ST8SIA3: variants seen among roughly 807,000 people sequenced by gnomAD.
The protein encoded by ST8SIA3 is ST8 alpha-N-acetyl-neuraminide alpha-2,8-sialyltransferase 3.
ST8SIA3 carries 17 observed loss-of-function variants against 34.5 expected under a neutral mutation model. That is an observed-to-expected ratio of 0.49 (90% CI 0.34 to 0.74). The LOEUF is 0.74. Ranked by LOEUF, ST8SIA3 falls within the 30% of genes least tolerant of loss-of-function variation. ST8SIA3 has a pLI of 0.01. For missense variants in ST8SIA3, 354 were observed against 467.8 expected (o/e 0.76, Z 2.24); for synonymous variants, 172 against 176.1 (o/e 0.98, Z 0.19).
chr18:57,353,086 G>C, intron 1 of ST8SIA3, 61 bp downstream of exon 1: 1 of 1,560,338 alleles, frequency 6.4e-7, no homozygotes, highest in Non-Finnish European at 8.7e-7. Context: ...GTTTGGGGAA[G>C]GGAAGGCGTG....
rs1364565561 is a variant in ST8SIA3 at position 57,357,227 on chromosome 18, A to G, written c.617A>G (p.Asn206Ser). The change falls in exon 3 of 4, where the codon AAT becomes AGT. Residue 206 changes from asparagine to serine, a missense_variant. This residue lies in a region of ST8SIA3 where 166 missense variants were observed against 245.2 expected (regional missense o/e 0.68). Transcript: ENST00000324000. ...AFQRDVGRKT[N>S]LTTFNPSILE... The stretch of plus-strand genomic sequence containing the variant: ...CAAAGAGATGTTGGAAGAAAAACCA[A>G]TCTTACCACCTTCAACCCCAGCATC... 5.6e-6 allele frequency: 9 copies of G among 1,614,030 alleles called. No homozygotes were observed. The highest frequency in any genetic ancestry group is 1.1e-5 in the South Asian group (1 of 91,070).
rs1024977069 is a variant in ST8SIA3 at position 57,365,352 on chromosome 18, T to A, written c.*5075T>A. 2 of 152,236 alleles carry A rather than the reference T, an allele frequency of 1.3e-5. No homozygotes were observed. The highest frequency in any genetic ancestry group is 2.4e-5 in the African/African-American group (1 of 41,456). The allele number at this position is 152,236 out of a possible 1,614,324, so 9.4% of individuals were successfully genotyped here. A position where few individuals can be genotyped will look rare whatever the true frequency, so the allele number is the denominator to read the frequency against. ...AGTCTTAGTGATTCAACAATTCAGC[T>A]GTTTCAGCCGAATTGACCAGTTGCT... is the stretch of plus-strand genomic sequence containing the variant. On this transcript the variant is annotated 3_prime_UTR_variant, in exon 4 of 4. Transcript: ENST00000324000.
rs758560626 is a variant in ST8SIA3 at position 57,362,472 on chromosome 18, A to G, written c.*2195A>G. 2 of 152,216 alleles carry G rather than the reference A, an allele frequency of 1.3e-5. No homozygotes were observed. Among genetic ancestry groups the G allele is most frequent in the Non-Finnish European group, 2.9e-5 (2 of 68,036 alleles). 9.4% of individuals were successfully genotyped at this position (152,216 alleles called of 1,614,324 possible). On this transcript the variant is annotated 3_prime_UTR_variant, in exon 4 of 4. Coordinates refer to ENST00000324000, the MANE Select transcript of ST8SIA3 (RefSeq NM_015879.3). ...AGAGGAAAAGACCAGAATCTCTAAA[A>G]AACAGTTTACTGTTCTGTAGTGGAC...
In ST8SIA3 at chr18:57,352,797, C is replaced by T; in HGVS notation, c.-50C>T. On this transcript the variant is annotated 5_prime_UTR_variant, in exon 1 of 4. Transcript: ENST00000324000. ...ATATACACGCCAGCGAGCTGCTGGC[C>T]GCTCAATGGACCGATTTCCCCGGTT... 3 of 1,505,964 alleles carry T rather than the reference C, an allele frequency of 2.0e-6. No homozygotes were observed. Among genetic ancestry groups the T allele is most frequent in the Non-Finnish European group, 2.8e-6 (3 of 1,087,260 alleles). 93.3% of individuals were successfully genotyped at this position (1,505,964 alleles called of 1,614,324 possible). A position where few individuals can be genotyped will look rare whatever the true frequency, so the allele number is the denominator to read the frequency against.
intron 2 of ST8SIA3, among the ~76,000 whole-genome samples, chr18:57,356,097 A>C (rs954740707): frequency 6.6e-6 from 1 of 152,202 alleles, no homozygotes; most frequent in Non-Finnish European, 1.5e-5. Context: ...TGAATGTTTT[A>C]AATAGCTAAA....
chr18:57,357,752 G>A (rs888790001), intron 3 of ST8SIA3, among the ~76,000 whole-genome samples: 3 of 152,170 alleles, frequency 2.0e-5, no homozygotes, highest in Admixed American at 6.5e-5. Context: ...AGGCTATGGA[G>A]CAGTCATGGA....
chr18:57,353,065 G>A, intron 1 of ST8SIA3, 40 bp downstream of exon 1: 1 of 1,590,978 alleles, frequency 6.3e-7, no homozygotes, highest in African/African-American at 1.3e-5. Context: ...CGGGAATTTG[G>A]TTGATGGGGT....
rs1448327647 is a variant in ST8SIA3 at position 57,362,210 on chromosome 18, G to A, written c.*1933G>A. 1 of 152,170 alleles carries A rather than the reference G, an allele frequency of 6.6e-6. No individual in the cohort carries two copies. Among genetic ancestry groups the A allele is most frequent in the Non-Finnish European group, 1.5e-5 (1 of 68,018 alleles). 9.4% of individuals were successfully genotyped at this position (152,170 alleles called of 1,614,324 possible). On this transcript the variant is annotated 3_prime_UTR_variant, in exon 4 of 4. Transcript: ENST00000324000. ...CACCGTGTTTGTTCCCTGTCCCTTT[G>A]AAGAGGACTGTACTACCATCCTCAC... is the stretch of plus-strand genomic sequence containing the variant.
intron 3 of ST8SIA3, among the ~76,000 whole-genome samples, 191 bp from the exon 4 acceptor site, chr18:57,359,804 C>T (rs996062651): frequency 2.6e-5 from 4 of 152,174 alleles, no homozygotes; most frequent in African/African-American, 7.2e-5. Context: ...ATTTTTATTT[C>T]TTACTGGATC....
chr18:57,353,660 C>T (rs1220258858), intron 1 of ST8SIA3, among the ~76,000 whole-genome samples: 1 of 152,214 alleles, frequency 6.6e-6, no homozygotes, highest in East Asian at 1.9e-4. Context: ...GGCCGCCCAC[C>T]CTCGCCAGGT....
chr18:57,358,640 C>A (rs2144204472), intron 3 of ST8SIA3, among the ~76,000 whole-genome samples: 1 of 152,244 alleles, frequency 6.6e-6, no homozygotes, highest in African/African-American at 2.4e-5. Context: ...AGATAACTGA[C>A]AAACTGGGAC....
chr18:57,355,640 A>T lies in ST8SIA3; in HGVS notation c.302+1116A>T, dbSNP rs530120163. On this transcript the variant is annotated intron_variant, in intron 2 of 3. Coordinates refer to ENST00000324000, the MANE Select transcript of ST8SIA3 (RefSeq NM_015879.3). ...TGGGTTTTAATTCAATATTAATTTTATGGACAACCCAGAACGTTTTCATGG... is the reference window on the plus strand; with the variant it reads ...TGGGTTTTAATTCAATATTAATTTTTTGGACAACCCAGAACGTTTTCATGG... 3.6e-4 allele frequency among the ~76,000 whole-genome samples: 55 copies of T among 152,280 alleles called. 1 individual carries two copies. The highest frequency in any genetic ancestry group is 1.3e-3 in the African/African-American group (55 of 41,572).
rs1356548295 is a variant in ST8SIA3, at chr18:57,361,636, A to G, written c.*1359A>G. On this transcript the variant is annotated 3_prime_UTR_variant, in exon 4 of 4. Transcript: ENST00000324000. ...TGGCCATTCTCATTTTCTTTATTTC[A>G]GCCATATGAGTAGAAATCAAATCAT... is the stretch of plus-strand genomic sequence containing the variant. 1 of 152,670 alleles carries G rather than the reference A, an allele frequency of 6.6e-6. No individual in the cohort carries two copies. Among genetic ancestry groups the G allele is most frequent in the Non-Finnish European group, 1.5e-5 (1 of 68,038 alleles). 9.5% of individuals were successfully genotyped at this position (152,670 alleles called of 1,614,324 possible). A position where few individuals can be genotyped will look rare whatever the true frequency, so the allele number is the denominator to read the frequency against.
rs2049854614 is a variant in ST8SIA3, at chr18:57,365,331, T to G, written c.*5054T>G. On this transcript the variant is annotated 3_prime_UTR_variant, in exon 4 of 4. Transcript: ENST00000324000. ...GTTAAATGGCAATATAGACACAGTC[T>G]TAGTGATTCAACAATTCAGCTGTTT... The G allele has an allele frequency of 6.6e-6, 1 of 152,244 alleles. No individual in the cohort carries two copies. The highest frequency in any genetic ancestry group is 1.5e-5 in the Non-Finnish European group (1 of 68,042). 9.4% of individuals were successfully genotyped at this position (152,244 alleles called of 1,614,324 possible).
rs2049824006 is a variant in ST8SIA3 at position 57,360,404 on chromosome 18, T to C, written c.*127T>C. 1.0e-6 allele frequency: 1 copy of C among 982,504 alleles called. No individual in the cohort carries two copies. The highest frequency in any genetic ancestry group is 1.8e-5 in the South Asian group (1 of 57,060). The allele number at this position is 982,504 out of a possible 1,614,324, so 60.9% of individuals were successfully genotyped here. ...TCTGCCATTTAAAAGGAAAGATGTCTTTTCTCTTTTGCACTGCTCTTTTAA... is the reference window on the plus strand; with the variant it reads ...TCTGCCATTTAAAAGGAAAGATGTCCTTTCTCTTTTGCACTGCTCTTTTAA... On this transcript the variant is annotated 3_prime_UTR_variant, in exon 4 of 4. Transcript: ENST00000324000.
At chr18:57,354,590 C>A in intron 2 of ST8SIA3, 66 bp downstream of exon 2, 1 of 1,579,190 alleles carries the variant, frequency 6.3e-7, no homozygotes, top group Non-Finnish European at 8.6e-7. Context: ...CAAAACAAAA[C>A]AAAAACAAGC....
chr18:57,367,295 TTTTC>T lies in ST8SIA3; in HGVS notation c.*7025_*7028del, dbSNP rs1598906326. On this transcript the variant is annotated 3_prime_UTR_variant, in exon 4 of 4. Coordinates refer to ENST00000324000, the MANE Select transcript of ST8SIA3 (RefSeq NM_015879.3). ...TGTAAAATGCCAGGTTATACCTCTA[TTTTC>T]TTTCTTCCTAATGGTCATTGAAATG... 6.6e-6 allele frequency: 1 copy of T among 152,280 alleles called. No homozygotes were observed. Among genetic ancestry groups the T allele is most frequent in the East Asian group, 1.9e-4 (1 of 5,200 alleles). The allele number at this position is 152,280 out of a possible 1,614,324, so 9.4% of individuals were successfully genotyped here. A position where few individuals can be genotyped will look rare whatever the true frequency, so the allele number is the denominator to read the frequency against.
chr18:57,353,025 G>A lies in ST8SIA3; in HGVS notation c.179G>A (p.Arg60Gln), dbSNP rs1461912804. 5 of 1,605,874 alleles carry A rather than the reference G, an allele frequency of 3.1e-6. No individual in the cohort carries two copies. The highest frequency in any genetic ancestry group is 3.4e-6 in the Non-Finnish European group (4 of 1,179,836). Residue 60 changes from arginine (R) to glutamine (Q), a missense_variant and splice_region_variant, in exon 1 of 4, where the codon CGG becomes CAG. Around this residue, in one of 3 missense-constraint regions of ST8SIA3, gnomAD observed 184 missense variants for 205.4 expected, o/e 0.90. Coordinates refer to ENST00000324000, the MANE Select transcript of ST8SIA3 (RefSeq NM_015879.3). ...PRMYMFHAGF[R>Q]SQFALKFLDP... is the part of the protein sequence containing the mutation. Reference sequence around the variant, plus strand: ...ATGTACATGTTCCACGCGGGATTCCGGTGAGTGCGGGCCTCTGTGTTAGTG... The same window carrying A: ...ATGTACATGTTCCACGCGGGATTCCAGTGAGTGCGGGCCTCTGTGTTAGTG...
chr18:57,354,557 T>C, intron 2 of ST8SIA3, 33 bp downstream of exon 2: 1 of 1,611,118 alleles, frequency 6.2e-7, no homozygotes. Context: ...AAAAGGTGCT[T>C]TTAAGAATTC....
Sources: allele counts gnomAD v4.1 joint callset (sites outside exome capture counted in the v4.1 genomes callset), GRCh38; gene constraint gnomAD v4.1.1; regional missense constraint gnomAD v4.1.1; transcripts MANE v1.5; gene names NCBI Gene and HGNC (gene_info 2026-07-23, HGNC 2026-07-21).